Variants in CECR2 observed in about 807,000 individuals in gnomAD.
CECR2 encodes chromatin remodeling regulator CECR2.
CECR2 carries 30 observed loss-of-function variants against 154.5 expected under a neutral mutation model. The ratio of observed to expected loss-of-function variants is 0.19; its 90% CI spans 0.15 to 0.26. The LOEUF (loss-of-function observed/expected upper bound fraction) is 0.26, where lower values mean the gene tolerates loss of function less well. Among genes scored for constraint, CECR2 ranks in the 10% least tolerant of loss-of-function variants. The pLI is 1.00. For missense variants in CECR2, 1,743 were observed against 1,829.3 expected (o/e 0.95, Z 0.86); for synonymous variants, 725 against 683.7 (o/e 1.06, Z -0.94).
chr22:17,435,200 T>C (rs1015699495), intron 1 of CECR2, among the ~76,000 whole-genome samples: 4 of 152,044 alleles, frequency 2.6e-5, no homozygotes, highest in Admixed American at 2.6e-4. Context: ...TTTTTCTTTC[T>C]TTCTTTCTTT....
chr22:17,542,684 C>T lies in CECR2; in HGVS notation c.2541C>T (p.Ala847=), dbSNP rs114626178. ...SGYMRPPCKS[A]GHRLQPPPVP... The stretch of plus-strand genomic sequence containing the variant: ...ACATGCGACCGCCCTGCAAGTCTGC[C>T]GGACATCGGTTACAGCCACCTCCAG... Residue 847 remains alanine, a synonymous_variant, in exon 16 of 19, where the codon GCC becomes GCT. Transcript: ENST00000262608. 4.3e-3 allele frequency: 6,998 copies of T among 1,613,994 alleles called. 269 individuals carry two copies. In the African/African-American group the frequency reaches 0.082, roughly 19 times the overall value.
chr22:17,453,496 T>C (rs2054804755), intron 1 of CECR2, among the ~76,000 whole-genome samples: 1 of 152,118 alleles, frequency 6.6e-6, no homozygotes, highest in African/African-American at 2.4e-5. Context: ...ATTTGAAAAA[T>C]TAATAAGTGT....
chr22:17,389,956 A>C (rs2063309236), intron 1 of CECR2, among the ~76,000 whole-genome samples: 1 of 152,218 alleles, frequency 6.6e-6, no homozygotes, highest in Admixed American at 6.5e-5. Flanking sequence ...TATAAGTACA[A>C]TTATTAAAAT....
intron 1 of CECR2, among the ~76,000 whole-genome samples, chr22:17,422,842 C>G (rs1199941334): frequency 6.6e-6 from 1 of 152,048 alleles, no homozygotes; most frequent in Non-Finnish European, 1.5e-5. Flanking sequence ...ATGCTTTGCT[C>G]TCTGGCACTT....
At chr22:17,362,492 A>G (rs2062981938) in intron 1 of CECR2, among the ~76,000 whole-genome samples, 4 of 152,256 alleles carry the variant, frequency 2.6e-5, no homozygotes, top group Non-Finnish European at 4.4e-5. Context: ...CTGTAAATAT[A>G]CAATATAGTA....
At chr22:17,434,721 C>T (rs1207394676) in intron 1 of CECR2, among the ~76,000 whole-genome samples, 2 of 151,410 alleles carry the variant, frequency 1.3e-5, no homozygotes, top group East Asian at 3.9e-4. Flanking sequence ...TTTTCTTGAG[C>T]ACTTTCTTTT....
intron 1 of CECR2, among the ~76,000 whole-genome samples, chr22:17,440,426 CTCTG>C (rs1387922000): frequency 2.6e-5 from 4 of 152,160 alleles, no homozygotes; most frequent in African/African-American, 4.8e-5. Context: ...GGAACTCTTT[CTCTG>C]TCTGTTATGG....
At chr22:17,429,178 G>A (rs942241778) in intron 1 of CECR2, among the ~76,000 whole-genome samples, 12 of 152,024 alleles carry the variant, frequency 7.9e-5, no homozygotes, top group Non-Finnish European at 1.5e-4. Context: ...TGGGGGGATG[G>A]TCTAGGGTGG....
chr22:17,416,486 A>G (rs2054158046), intron 1 of CECR2, among the ~76,000 whole-genome samples: 1 of 152,170 alleles, frequency 6.6e-6, no homozygotes, highest in African/African-American at 2.4e-5. Context: ...TGGTCCCACA[A>G]TCTAGGCTAT....
At chr22:17,438,805 T>G (rs971307194) in intron 1 of CECR2, among the ~76,000 whole-genome samples, 12 of 152,210 alleles carry the variant, frequency 7.9e-5, no homozygotes, top group African/African-American at 2.4e-4. Context: ...GTGTTATTTC[T>G]TATTGATTTT....
chr22:17,430,088 TATTAG>T (rs1238734364), intron 1 of CECR2, among the ~76,000 whole-genome samples: 2 of 152,210 alleles, frequency 1.3e-5, no homozygotes, highest in African/African-American at 4.8e-5. Flanking sequence ...TTTTCCTTTT[TATTAG>T]ATTTATAATT....
At chr22:17,397,118 C>CTT (rs796924008) in intron 1 of CECR2, among the ~76,000 whole-genome samples, 1 of 146,768 alleles carries the variant, frequency 6.8e-6, no homozygotes, top group African/African-American at 2.5e-5. Context: ...TCCTAAAGAG[C>CTT]TTTTTTTTTT....
intron 1 of CECR2, among the ~76,000 whole-genome samples, chr22:17,460,547 C>G (rs961273537): frequency 1.3e-5 from 2 of 152,228 alleles, no homozygotes; most frequent in African/African-American, 2.4e-5. Flanking sequence ...AGGTTATTCA[C>G]ATGTGATTCC....
chr22:17,485,298 C>T (rs976788182), intron 2 of CECR2, among the ~76,000 whole-genome samples: 4 of 152,210 alleles, frequency 2.6e-5, no homozygotes, highest in Non-Finnish European at 5.9e-5. Flanking sequence ...CCTCCGACTC[C>T]TAACTGCAGC....
At chr22:17,428,012 C>A (rs149837116) in intron 1 of CECR2, among the ~76,000 whole-genome samples, 1 of 152,066 alleles carries the variant, frequency 6.6e-6, no homozygotes, top group Non-Finnish European at 1.5e-5. Flanking sequence ...TTTTAATGAT[C>A]GCCATTCTAA....
chr22:17,535,712 A>G (rs1834627308), intron 9 of CECR2, among the ~76,000 whole-genome samples: 2 of 151,736 alleles, frequency 1.3e-5, no homozygotes, highest in Admixed American at 1.3e-4. Flanking sequence ...GTTGGTTTAG[A>G]GAACTTTCTT....
At chr22:17,494,851 C>T (rs1374891592) in intron 2 of CECR2, among the ~76,000 whole-genome samples, 2 of 152,188 alleles carry the variant, frequency 1.3e-5, no homozygotes, top group South Asian at 2.1e-4. Context: ...CACGCCACCA[C>T]GCCCGGCTAA....
chr22:17,506,088 C>G (rs1163166227), intron 7 of CECR2, among the ~76,000 whole-genome samples: 2 of 151,954 alleles, frequency 1.3e-5, no homozygotes, highest in East Asian at 3.9e-4. Flanking sequence ...CTCAATCTAT[C>G]CTTCTGTCTT....
At chr22:17,479,557 A>G (rs911231805) in intron 2 of CECR2, among the ~76,000 whole-genome samples, 2 of 150,936 alleles carry the variant, frequency 1.3e-5, no homozygotes, top group African/African-American at 2.4e-5. Flanking sequence ...CTCTCATAGG[A>G]TATTCCTCCG....
Sources: gnomAD v4.1 joint callset for allele counts (sites outside exome capture counted in the v4.1 genomes callset) on GRCh38, gnomAD v4.1.1 for gene constraint, MANE v1.5 for transcripts, NCBI Gene and HGNC (gene_info 2026-07-23, HGNC 2026-07-21) for gene names.